Variants in PHGDH observed in about 807,000 individuals in gnomAD.
PHGDH encodes the protein phosphoglycerate dehydrogenase.
Under a neutral mutation model 52.6 loss-of-function variants are expected in PHGDH, and 50 were observed. The observed-to-expected ratio is 0.95, with a 90% CI of 0.76 to 1.20. PHGDH has a LOEUF of 1.20. Ranked by LOEUF, PHGDH falls within the 50% of genes most tolerant of loss-of-function variation. The pLI is 0.00. For missense variants in PHGDH, 630 were observed against 684.6 expected (o/e 0.92, Z 0.89); for synonymous variants, 271 against 280.5 (o/e 0.97, Z 0.34).
chr1:119,724,567 G>C, intron 3 of PHGDH: 1 of 362,976 alleles, frequency 2.8e-6, no homozygotes, highest in Non-Finnish European at 5.3e-6. Flanking sequence ...TGGCAGCCGG[G>C]TTCTCCCAGA....
Position 119,723,379 on chromosome 1 carries a change from C to T in PHGDH, c.294C>T (p.Thr98=), listed in dbSNP as rs149897233. ...ATRKGILVMN[T]PNGNSLSAAE... ...CCCCCTTTTCTTTGATCTTTAGCACCCCCAATGGGAACAGCCTCAGTGCCG... is the reference window on the plus strand; with the variant it reads ...CCCCCTTTTCTTTGATCTTTAGCACTCCCAATGGGAACAGCCTCAGTGCCG... Residue 98 remains threonine (T), a synonymous_variant, in exon 3 of 12, where the codon ACC becomes ACT. Transcript: ENST00000641023. 7 of 1,612,790 alleles carry T rather than the reference C, an allele frequency of 4.3e-6. No individual in the cohort carries two copies. In the African/African-American group the frequency reaches 8.0e-5, roughly 18 times the overall value.
In PHGDH at chr1:119,743,408, C is replaced by A. The variant is rs374874986; in HGVS notation, c.1447+364C>A. Among the ~76,000 whole-genome samples, 32 of 152,296 alleles carry A rather than the reference C, an allele frequency of 2.1e-4. 1 individual carries two copies. The highest frequency in any genetic ancestry group is 7.2e-4 in the African/African-American group (30 of 41,546). ...AGGTTTCTTACTCCTACCTGCTGGC[C>A]CTGTGGCTGTCCCTGGTGGCCAGCC... is the stretch of plus-strand genomic sequence containing the variant. On this transcript the variant is annotated intron_variant, in intron 11 of 11. Coordinates refer to ENST00000641023, the MANE Select transcript of PHGDH (RefSeq NM_006623.4).
At chr1:119,740,546 G>A in intron 9 of PHGDH, 28 bp downstream of exon 9, 8 of 1,539,230 alleles carry the variant, frequency 5.2e-6, no homozygotes, top group Non-Finnish European at 7.0e-6. Flanking sequence ...CAGAGGGAGG[G>A]GGAGGAGGGG....
In PHGDH at chr1:119,744,136, C is replaced by T. The variant is rs587694045; in HGVS notation, c.*96C>T. On this transcript the variant is annotated 3_prime_UTR_variant, in exon 12 of 12. Coordinates refer to ENST00000641023, the MANE Select transcript of PHGDH (RefSeq NM_006623.4). Reference sequence around the variant, plus strand: ...AGAAAATCCACATTCTTGGGCTGAACGCGGGCCTCTGACACTGCTTACACT... The same window carrying T: ...AGAAAATCCACATTCTTGGGCTGAATGCGGGCCTCTGACACTGCTTACACT... 3.5e-5 allele frequency: 41 copies of T among 1,173,386 alleles called. No individual in the cohort carries two copies. The African/African-American group carries it at 3.7e-4, about 11-fold the overall frequency. 72.7% of individuals were successfully genotyped at this position (1,173,386 alleles called of 1,614,324 possible). A position where few individuals can be genotyped will look rare whatever the true frequency, so the allele number is the denominator to read the frequency against.
At chr1:119,713,009 G>A (rs1046832373) in intron 1 of PHGDH, 1 of 152,230 alleles carries the variant, frequency 6.6e-6, no homozygotes, top group Non-Finnish European at 1.5e-5. Context: ...TCCTTTTGTT[G>A]TGATATATAA....
chr1:119,715,067 G>A (rs1287296231), intron 1 of PHGDH, among the ~76,000 whole-genome samples: 1 of 152,160 alleles, frequency 6.6e-6, no homozygotes, highest in African/African-American at 2.4e-5. Flanking sequence ...ATATTACCAT[G>A]TATCAGTGGC....
chr1:119,731,238 G>T (rs1651676731), intron 5 of PHGDH, among the ~76,000 whole-genome samples: 1 of 152,184 alleles, frequency 6.6e-6, no homozygotes, highest in South Asian at 2.1e-4. Flanking sequence ...GGCCTGACCT[G>T]CAGCCTACCT....
chr1:119,725,068 C>G (rs904495304), intron 3 of PHGDH: 5 of 449,490 alleles, frequency 1.1e-5, no homozygotes, highest in Non-Finnish European at 2.2e-5. Context: ...GGCGGGGGCT[C>G]CTGAGGTGCA....
chr1:119,736,404 G>A (rs1468057870), intron 7 of PHGDH, among the ~76,000 whole-genome samples: 1 of 152,206 alleles, frequency 6.6e-6, no homozygotes, highest in Non-Finnish European at 1.5e-5. Context: ...GGATTACATG[G>A]TTACATGTGG....
At chr1:119,716,065 G>A (rs1222699491) in intron 1 of PHGDH, 1 of 152,628 alleles carries the variant, frequency 6.6e-6, no homozygotes, top group Non-Finnish European at 1.5e-5. Context: ...GGTCCAGCAG[G>A]AGGTAGGTTG....
At chr1:119,743,730 C>T in intron 11 of PHGDH, 156 bp from the exon 12 acceptor site, 1 of 744,704 alleles carries the variant, frequency 1.3e-6, no homozygotes, top group Non-Finnish European at 2.5e-6. Flanking sequence ...GAGCAGATGC[C>T]CTGTTGCTCT....
rs1570994958 is a variant in PHGDH, at chr1:119,724,584, A to T, written c.356+1143A>T. The T allele has an allele frequency of 8.2e-6, 3 of 367,690 alleles. No individual in the cohort carries two copies. In the East Asian group the frequency reaches 2.2e-4, roughly 26 times the overall value. The allele number at this position is 367,690 out of a possible 1,614,324, so 22.8% of individuals were successfully genotyped here. A position where few individuals can be genotyped will look rare whatever the true frequency, so the allele number is the denominator to read the frequency against. The stretch of plus-strand genomic sequence containing the variant: ...GCAGCCGGGTTCTCCCAGAACATCT[A>T]GGCTGAGTGTCTCTCCCCCTGGAGA... On this transcript the variant is annotated intron_variant, in intron 3 of 11. Coordinates refer to ENST00000641023, the MANE Select transcript of PHGDH (RefSeq NM_006623.4).
intron 5 of PHGDH, among the ~76,000 whole-genome samples, chr1:119,732,312 C>T (rs1441348483): frequency 2.0e-5 from 3 of 152,216 alleles, no homozygotes; most frequent in African/African-American, 7.2e-5. Context: ...AGTGAGGCTT[C>T]CTCTGTTGCC....
Position 119,735,323 on chromosome 1 carries a change from G to C in PHGDH, c.672G>C (p.Gln224His). The C allele has an allele frequency of 6.2e-7, 1 of 1,614,238 alleles. No homozygotes were observed. Among genetic ancestry groups the C allele is most frequent in the Non-Finnish European group, 8.5e-7 (1 of 1,180,052 alleles). Residue 224 changes from glutamine (Q) to histidine (H), a missense_variant, in exon 7 of 12, where the codon CAG becomes CAC. By Grantham distance (24) the Gln-to-His change is conservative. Transcript: ENST00000641023. ...TGLLNDNTFA[Q>H]CKKGVRVVNC... is the part of the protein sequence containing the mutation. ...TGCTGAATGACAACACCTTTGCCCA[G>C]TGCAAGAAGGGGGTGCGTGTGGTGA... is the stretch of plus-strand genomic sequence containing the variant.
intron 5 of PHGDH, among the ~76,000 whole-genome samples, chr1:119,731,812 G>T (rs587766050): frequency 5.3e-5 from 8 of 152,156 alleles, no homozygotes; most frequent in Non-Finnish European, 1.2e-4. Flanking sequence ...GTGCCATGCC[G>T]GTATGCTTAG....
chr1:119,712,356 A>G, intron 1 of PHGDH, 196 bp downstream of exon 1: 1 of 611,150 alleles, frequency 1.6e-6, no homozygotes, highest in Non-Finnish European at 3.0e-6. Context: ...CGAGATGCAA[A>G]CTTTTCTTTT....
In PHGDH at chr1:119,737,231, G is replaced by C. The variant is rs149175408; in HGVS notation, c.910G>C (p.Val304Leu). 1.2e-6 allele frequency: 2 copies of C among 1,614,166 alleles called. No homozygotes were observed. Among genetic ancestry groups the C allele is most frequent in the East Asian group, 2.2e-5 (1 of 44,878 alleles). Reference sequence around the variant, plus strand: ...TGGGGAGGAAATTGCTGTTCAGTTCGTGGACATGGTGAAGGGGAAATCTCT... The same window carrying C: ...TGGGGAGGAAATTGCTGTTCAGTTCCTGGACATGGTGAAGGGGAAATCTCT... ...RCGEEIAVQF[V>L]DMVKGKSLTG... Residue 304 changes from valine to leucine, a missense_variant, in exon 8 of 12, where the codon GTG (valine) becomes CTG (leucine). Coordinates refer to ENST00000641023, the MANE Select transcript of PHGDH (RefSeq NM_006623.4).
In PHGDH at chr1:119,723,368, A is replaced by G. The variant is rs775356901; in HGVS notation, c.291-8A>G. The G allele has an allele frequency of 6.8e-6, 11 of 1,611,114 alleles. No individual in the cohort carries two copies. Among genetic ancestry groups the G allele is most frequent in the Non-Finnish European group, 9.3e-6 (11 of 1,177,530 alleles). On this transcript the variant is annotated splice_polypyrimidine_tract_variant and splice_region_variant and intron_variant, in intron 2 of 11. Coordinates refer to ENST00000641023, the MANE Select transcript of PHGDH (RefSeq NM_006623.4). ...CCCATTGATGTCCCCCTTTTCTTTGATCTTTAGCACCCCCAATGGGAACAG... is the reference window on the plus strand; with the variant it reads ...CCCATTGATGTCCCCCTTTTCTTTGGTCTTTAGCACCCCCAATGGGAACAG...
intron 2 of PHGDH, 45 bp downstream of exon 2, chr1:119,721,366 T>C: frequency 6.3e-7 from 1 of 1,588,038 alleles, no homozygotes; most frequent in African/African-American, 1.3e-5. Context: ...GGGGGGTGAG[T>C]GCGGAGACTG....
Sources: gnomAD v4.1 joint callset for allele counts (sites outside exome capture counted in the v4.1 genomes callset) on GRCh38, gnomAD v4.1.1 for gene constraint, MANE v1.5 for transcripts, NCBI Gene and HGNC (gene_info 2026-07-23, HGNC 2026-07-21) for gene names.